The following TOP3A variants were observed in gnomAD, a reference collection of about 807,000 sequenced individuals.
TOP3A encodes DNA topoisomerase 3-alpha.
TOP3A carries 64 observed loss-of-function variants against 111.3 expected under a neutral mutation model. The ratio of observed to expected loss-of-function variants is 0.57; its 90% CI spans 0.47 to 0.71. The LOEUF is 0.71. Among genes scored for constraint, TOP3A ranks in the 30% least tolerant of loss-of-function variants. The probability of loss-of-function intolerance (pLI) is 0.00; values close to 1 mark genes in which losing one functional copy is unlikely to be tolerated. For synonymous variants in TOP3A, 484 were observed against 485.1 expected (o/e 1.00, Z 0.03); for missense variants, 1,104 against 1,285.0 (o/e 0.86, Z 2.15).
chr17:18,282,971 G>T, intron 15 of TOP3A, 130 bp from the exon 16 acceptor site: 1 of 1,185,464 alleles, frequency 8.4e-7, no homozygotes, highest in Non-Finnish European at 1.2e-6. Context: ...GCCTCCTGCA[G>T]AGAACAGACG....
At chr17:18,298,467 C>T (rs549595193) in intron 9 of TOP3A, among the ~76,000 whole-genome samples, 6 of 148,054 alleles carry the variant, frequency 4.1e-5, no homozygotes, top group South Asian at 4.3e-4. Context: ...CCGCCCCGTC[C>T]GGGAGGTGAG....
In TOP3A at chr17:18,285,144, C is replaced by A. The variant is rs764565096; in HGVS notation, c.1875G>T (p.Lys625Asn). The stretch of plus-strand genomic sequence containing the variant: ...CTGTATTTCTTTTAAGGACTTACTT[C>A]TTTGCTTTAGCCACCGCTTCAATGA... ...QVFIEAVAKA[K>N]KLDEALAQYF... Residue 625 changes from lysine (K) to asparagine (N), a missense_variant and splice_region_variant, in exon 15 of 19, where the codon AAG (lysine) becomes AAT (asparagine). Transcript: ENST00000321105. The A allele has an allele frequency of 9.3e-6, 15 of 1,613,636 alleles. No homozygotes were observed. In the South Asian group the frequency reaches 1.6e-4, roughly 18 times the overall value.
intron 18 of TOP3A, 149 bp downstream of exon 18, chr17:18,277,526 C>T: frequency 1.3e-6 from 1 of 781,740 alleles, no homozygotes; most frequent in Non-Finnish European, 2.0e-6. Context: ...TGAAAGTGAT[C>T]AAGTGAGGAA....
chr17:18,306,845 ACT>A, intron 4 of TOP3A, 44 bp downstream of exon 4: 1 of 1,246,422 alleles, frequency 8.0e-7, no homozygotes, highest in Non-Finnish European at 1.2e-6. Context: ...ACTCTGTTTG[ACT>A]CTGTGGTTTG....
In TOP3A at chr17:18,308,350, C is replaced by T. The variant is rs1296511709; in HGVS notation, c.314+1G>A. On this transcript the variant is annotated splice_donor_variant, in intron 3 of 18. Transcript: ENST00000321105. LOFTEE classifies it high-confidence loss of function. ...GTCCTTCCCTTGAGAATTGTACTGA[C>T]CATTTTCGAAACTGCATCTGGAAAT... 3 of 1,593,254 alleles carry T rather than the reference C, an allele frequency of 1.9e-6. No individual in the cohort carries two copies. The highest frequency in any genetic ancestry group is 1.7e-5 in the Admixed American group (1 of 59,014).
At chr17:18,300,049 ACCATGCTTGGC>A (rs1327643067) in intron 8 of TOP3A, among the ~76,000 whole-genome samples, 1 of 152,078 alleles carries the variant, frequency 6.6e-6, no homozygotes, top group Non-Finnish European at 1.5e-5. Flanking sequence ...CCCATAAGCC[ACCATGCTTGGC>A]CCAGTGCTCC....
chr17:18,314,546 C>G (rs1202971460), intron 1 of TOP3A, 53 bp downstream of exon 1: 1 of 1,553,554 alleles, frequency 6.4e-7, no homozygotes, highest in South Asian at 1.2e-5. Flanking sequence ...CACGCTGTCC[C>G]GCTCGGTGGG....
chr17:18,296,651 T>C (rs1019522533), intron 9 of TOP3A, among the ~76,000 whole-genome samples: 1 of 152,204 alleles, frequency 6.6e-6, no homozygotes, highest in East Asian at 1.9e-4. Context: ...TACACATTTA[T>C]TGTGGCTTGA....
chr17:18,277,825 T>C lies in TOP3A; in HGVS notation c.2677A>G (p.Ser893Gly). 1.2e-6 allele frequency: 2 copies of C among 1,614,108 alleles called. No homozygotes were observed. Among genetic ancestry groups the C allele is most frequent in the Non-Finnish European group, 8.5e-7 (1 of 1,180,012 alleles). ...GFGNPGDGSG[S>G]GTSCLCSQPS... ...TGGCTGCAAAGGCAGGATGTGCCAC[T>C]ACCACTGCCATCACCAGGGTTGCCA... is the stretch of plus-strand genomic sequence containing the variant. Residue 893 changes from serine (S) to glycine (G), a missense_variant, in exon 18 of 19, where the codon AGT becomes GGT. Physicochemically the swap from Ser to Gly is moderately conservative, Grantham distance 56. Coordinates refer to ENST00000321105, the MANE Select transcript of TOP3A (RefSeq NM_004618.5).
intron 16 of TOP3A, 133 bp from the exon 17 acceptor site, chr17:18,280,791 C>T (rs894590741): frequency 1.0e-6 from 1 of 972,828 alleles, no homozygotes; most frequent in Non-Finnish European, 1.5e-6. Context: ...TAACTGGATA[C>T]ACAAGCACTC....
intron 15 of TOP3A, among the ~76,000 whole-genome samples, chr17:18,284,410 T>G (rs1365253734): frequency 3.9e-5 from 6 of 152,108 alleles, no homozygotes; most frequent in Non-Finnish European, 2.9e-5. Flanking sequence ...CTGCTCTTCC[T>G]GAGGTAGGGG....
At chr17:18,291,379 T>G (rs551406628) in intron 11 of TOP3A, among the ~76,000 whole-genome samples, 6 of 152,382 alleles carry the variant, frequency 3.9e-5, no homozygotes, top group African/African-American at 1.4e-4. Context: ...CCTGGTGGCC[T>G]TAGCCCAACT....
intron 13 of TOP3A, 73 bp downstream of exon 13, chr17:18,290,484 T>C: frequency 6.4e-6 from 9 of 1,417,280 alleles, no homozygotes; most frequent in Non-Finnish European, 8.4e-6. Flanking sequence ...GTTTGAAGAC[T>C]AGAGGAAACC....
At chr17:18,281,723 C>G (rs1979771830) in intron 16 of TOP3A, among the ~76,000 whole-genome samples, 1 of 152,154 alleles carries the variant, frequency 6.6e-6, no homozygotes, top group Non-Finnish European at 1.5e-5. Flanking sequence ...CTTCTCTTCA[C>G]TTGGGCCAGC....
At chr17:18,305,475 A>AACACACATACACACAC (rs3075274) in intron 4 of TOP3A, among the ~76,000 whole-genome samples, 1 of 146,672 alleles carries the variant, frequency 6.8e-6, no homozygotes, top group African/African-American at 2.6e-5. Context: ...ATTCAGCTCT[A>AACACACATACACACAC]ACACACACAC....
In TOP3A at chr17:18,294,808, T is replaced by C. The variant is rs1980693874; in HGVS notation, c.991-23A>G. On this transcript the variant is annotated intron_variant, in intron 9 of 18. Coordinates refer to ENST00000321105, the MANE Select transcript of TOP3A (RefSeq NM_004618.5). ...CTCCTGTGAAATGGGTCAACAGGCA[T>C]GTTAGGTGTACTGCATGGGTCAGGC... is the stretch of plus-strand genomic sequence containing the variant. 3.2e-6 allele frequency: 5 copies of C among 1,556,852 alleles called. No individual in the cohort carries two copies. The South Asian group carries it at 3.3e-5, about 10-fold the overall frequency.
At chr17:18,309,422 C>T (rs947054531) in intron 1 of TOP3A, among the ~76,000 whole-genome samples, 1 of 152,072 alleles carries the variant, frequency 6.6e-6, no homozygotes, top group Non-Finnish European at 1.5e-5. Flanking sequence ...ACAGTTGGAT[C>T]ACTTTAGGTC....
At chr17:18,294,473 G>T (rs993284063) in intron 10 of TOP3A, among the ~76,000 whole-genome samples, 4 of 152,000 alleles carry the variant, frequency 2.6e-5, no homozygotes, top group Non-Finnish European at 5.9e-5. Flanking sequence ...GGGACTACAG[G>T]CGCACGCCAC....
intron 9 of TOP3A, 28 bp from the exon 10 acceptor site, chr17:18,294,813 G>C: frequency 6.6e-7 from 1 of 1,509,298 alleles, no homozygotes; most frequent in Non-Finnish European, 9.2e-7. Flanking sequence ...AGGCATGTTA[G>C]GTGTACTGCA....
Sources: gnomAD v4.1 joint callset for allele counts (sites outside exome capture counted in the v4.1 genomes callset) on GRCh38, gnomAD v4.1.1 for gene constraint, MANE v1.5 for transcripts, NCBI Gene and HGNC (gene_info 2026-07-23, HGNC 2026-07-21) for gene names.